MAPK4: variants seen among roughly 807,000 people sequenced by gnomAD.
The protein encoded by MAPK4 is mitogen-activated protein kinase 4.
Under a neutral mutation model 47.7 loss-of-function variants are expected in MAPK4, and 22 were observed. The ratio of observed to expected loss-of-function variants is 0.46; its 90% CI spans 0.33 to 0.66. The LOEUF (loss-of-function observed/expected upper bound fraction) is 0.66, where lower values mean the gene tolerates loss of function less well. Among genes scored for constraint, MAPK4 ranks in the 30% least tolerant of loss-of-function variants. The pLI, the probability that MAPK4 is intolerant of heterozygous loss-of-function variation, is 0.02. For synonymous variants in MAPK4, 390 were observed against 365.7 expected, an observed-to-expected ratio of 1.07 and a Z score of -0.76; for missense variants, 736 against 831.7, an observed-to-expected ratio of 0.88 and a Z score of 1.42.
chr18:50,691,539 C>A (rs1420399491), intron 2 of MAPK4, among the ~76,000 whole-genome samples: 1 of 152,138 alleles, frequency 6.6e-6, no homozygotes, highest in African/African-American at 2.4e-5. Context: ...TTAACAAATC[C>A]TGAGGCATAT....
At position 50,683,453 on chromosome 18, in the gene MAPK4, GGTGTGT is replaced by G. The variant is rs3045776; in HGVS notation, c.546+18982_546+18987del. 8.2e-3 allele frequency among the ~76,000 whole-genome samples: 1,162 copies of G among 142,230 alleles called. 14 individuals carry two copies. The highest frequency in any genetic ancestry group is 0.027 in the African/African-American group (1,002 of 37,728). The allele number at this position is 142,230 out of a possible 152,430, so 93.3% of individuals were successfully genotyped here. ...TGTTCATTATTTTTATTGGTGATGG[GGTGTGT>G]GTGTGTGTGTGTGTGTGTGTGTGTG... On this transcript the variant is annotated intron_variant, in intron 2 of 5. Transcript: ENST00000400384.
intron 2 of MAPK4, among the ~76,000 whole-genome samples, chr18:50,689,740 A>AG (rs1909108047): frequency 2.6e-5 from 4 of 151,988 alleles, no homozygotes; most frequent in African/African-American, 9.7e-5. Context: ...AATTTTAAAA[A>AG]AGGGGGGCTG....
At chr18:50,720,699 A>G (rs1326293352) in intron 3 of MAPK4, among the ~76,000 whole-genome samples, 1 of 152,072 alleles carries the variant, frequency 6.6e-6, no homozygotes, top group Non-Finnish European at 1.5e-5. Context: ...TTGATCACCC[A>G]TTGACCTCAT....
chr18:50,664,157 A>G lies in MAPK4; in HGVS notation c.199A>G (p.Lys67Glu). 6.2e-7 allele frequency: 1 copy of G among 1,614,176 alleles called. No homozygotes were observed. Residue 67 changes from lysine (K) to glutamate (E), a missense_variant, in exon 2 of 6, where the codon AAG (lysine) becomes GAG (glutamate). By Grantham distance (56) the Lys-to-Glu change is moderately conservative. This residue lies in a region of MAPK4 where 327 missense variants were observed against 395.4 expected (regional missense o/e 0.83). Transcript: ENST00000400384. The surrounding 1 kb of genome is among the most constrained non-coding windows in gnomAD (Gnocchi z 6.0). ...RSMKHALREI[K>E]IIRRLDHDNI... Reference sequence around the variant, plus strand: ...CATGAAGCACGCGCTCCGAGAGATCAAGATCATTCGGCGCCTGGACCACGA... The same window carrying G: ...CATGAAGCACGCGCTCCGAGAGATCGAGATCATTCGGCGCCTGGACCACGA...
Position 50,682,708 on chromosome 18 carries a change from A to G in MAPK4, c.546+18204A>G, listed in dbSNP as rs755445858. ...TTTAAAAGTAAAACTTACATCTGTCATATGATCCAGACATTTCACTTCTAT... is the reference window on the plus strand; with the variant it reads ...TTTAAAAGTAAAACTTACATCTGTCGTATGATCCAGACATTTCACTTCTAT... On this transcript the variant is annotated intron_variant, in intron 2 of 5. Transcript: ENST00000400384. Among the ~76,000 whole-genome samples the G allele has an allele frequency of 3.4e-4, 52 of 152,268 alleles. 1 individual carries two copies. The highest frequency in any genetic ancestry group is 5.6e-4 in the Non-Finnish European group (38 of 68,048).
Position 50,560,124 on chromosome 18 carries a change from C to A in MAPK4, c.-990C>A, listed in dbSNP as rs1484820508. On this transcript the variant is annotated 5_prime_UTR_variant, in exon 1 of 6. Coordinates refer to ENST00000400384, the MANE Select transcript of MAPK4 (RefSeq NM_002747.4). Reference sequence around the variant, plus strand: ...GGAGCAGCGAGCCGGGCTGTCGGGGCGACCGCGGGAGCTCGCCGTGCGCCG... The same window carrying A: ...GGAGCAGCGAGCCGGGCTGTCGGGGAGACCGCGGGAGCTCGCCGTGCGCCG... 1 of 149,078 alleles carries A rather than the reference C, an allele frequency of 6.7e-6. No homozygotes were observed. The highest frequency in any genetic ancestry group is 2.4e-5 in the African/African-American group (1 of 41,052). The allele number at this position is 149,078 out of a possible 1,614,324, so 9.2% of individuals were successfully genotyped here. A position where few individuals can be genotyped will look rare whatever the true frequency, so the allele number is the denominator to read the frequency against.
In MAPK4 at chr18:50,707,735, A is replaced by C. The variant is rs1426824039; in HGVS notation, c.547-7344A>C. On this transcript the variant is annotated intron_variant, in intron 2 of 5. Transcript: ENST00000400384. ...TTAAATTTTTTATGGCAATTTTATT[A>C]TAATTTTTTTAAAGTCAAAGAAAGT... Among the ~76,000 whole-genome samples, 4 of 152,316 alleles carry C rather than the reference A, an allele frequency of 2.6e-5. No homozygotes were observed. The East Asian group carries it at 7.7e-4, about 29-fold the overall frequency.
chr18:50,575,681 G>A (rs752297877), intron 1 of MAPK4, among the ~76,000 whole-genome samples: 15 of 148,218 alleles, frequency 1.0e-4, no homozygotes, highest in South Asian at 2.1e-4. Flanking sequence ...AGAAACTATC[G>A]ACAGCAAACA....
intron 1 of MAPK4, among the ~76,000 whole-genome samples, chr18:50,598,661 T>A (rs28437750): frequency 1.3e-5 from 2 of 152,194 alleles, no homozygotes; most frequent in South Asian, 4.1e-4. Flanking sequence ...TTTATTTGGA[T>A]TTCACTAACT....
At chr18:50,691,079 G>A (rs1909188220) in intron 2 of MAPK4, among the ~76,000 whole-genome samples, 4 of 152,014 alleles carry the variant, frequency 2.6e-5, no homozygotes, top group African/African-American at 4.8e-5. Flanking sequence ...TGCAACCTCC[G>A]CCTCCTGGGC....
rs7236079 is a variant in MAPK4, at chr18:50,654,749, C to T, written c.-870-8340C>T. ...CAGCTGGTGCTATGCCCGTGGCCAC[C>T]GGCTCCCAGACTTCCCACGCAGGGA... is the stretch of plus-strand genomic sequence containing the variant. On this transcript the variant is annotated intron_variant, in intron 1 of 5. Transcript: ENST00000400384. Among the ~76,000 whole-genome samples the T allele has an allele frequency of 7.9e-3, 1,197 of 152,290 alleles. 12 individuals carry two copies. The highest frequency in any genetic ancestry group is 0.027 in the African/African-American group (1,142 of 41,566).
At chr18:50,729,057 G>A (rs1424694559) in intron 5 of MAPK4, 101 bp from the exon 6 acceptor site, 2 of 1,022,142 alleles carry the variant, frequency 2.0e-6, no homozygotes, top group Non-Finnish European at 2.9e-6. Context: ...GGGGGTCGAA[G>A]GCAGGTGTGT....
intron 1 of MAPK4, among the ~76,000 whole-genome samples, chr18:50,572,978 G>A (rs1220236207): frequency 2.0e-5 from 3 of 152,194 alleles, no homozygotes; most frequent in Non-Finnish European, 2.9e-5. Context: ...AAAAGCAGGT[G>A]TATAGCTGTC....
intron 1 of MAPK4, among the ~76,000 whole-genome samples, chr18:50,639,696 G>T (rs537666566): frequency 6.6e-6 from 1 of 152,078 alleles, no homozygotes; most frequent in Admixed American, 6.5e-5. Flanking sequence ...CACGTTTTCC[G>T]ATGTCTTTAA....
At chr18:50,695,269 C>G (rs190198275) in intron 2 of MAPK4, among the ~76,000 whole-genome samples, 16 of 150,116 alleles carry the variant, frequency 1.1e-4, no homozygotes, top group Non-Finnish European at 2.2e-4. Context: ...TCGTTTGAAC[C>G]CGGGAGGCGG....
intron 1 of MAPK4, among the ~76,000 whole-genome samples, chr18:50,633,578 G>A (rs929952878): frequency 3.3e-5 from 5 of 152,176 alleles, no homozygotes; most frequent in Admixed American, 3.3e-4. Flanking sequence ...TTGCTCAGTG[G>A]CTTCCCACCG....
chr18:50,722,057 A>G lies in MAPK4; in HGVS notation c.811A>G (p.Lys271Glu). The change falls in exon 4 of 6, where the codon AAG becomes GAG. Residue 271 changes from lysine to glutamate, a missense_variant. This residue lies in a region of MAPK4 where 327 missense variants were observed against 395.4 expected (regional missense o/e 0.83). Transcript: ENST00000400384. Reference protein sequence around the residue: ...PSFVSSTWEVKRPLRKLLPEV... With the variant: ...PSFVSSTWEVERPLRKLLPEV... ...CTTTGTCAGCAGCACCTGGGAGGTG[A>G]AGAGGCCTCTGCGCAAGCTGCTCCC... 6.2e-7 allele frequency: 1 copy of G among 1,613,518 alleles called. No individual in the cohort carries two copies. Among genetic ancestry groups the G allele is most frequent in the Non-Finnish European group, 8.5e-7 (1 of 1,179,760 alleles).
Position 50,684,620 on chromosome 18 carries a change from C to T in MAPK4, c.546+20116C>T, listed in dbSNP as rs368723151. On this transcript the variant is annotated intron_variant, in intron 2 of 5. Transcript: ENST00000400384. ...GCCTTCGGGGGGTGAGGAGAAGACACCTCCTGGCCTCCCCATCACAGTGGG... is the reference window on the plus strand; with the variant it reads ...GCCTTCGGGGGGTGAGGAGAAGACATCTCCTGGCCTCCCCATCACAGTGGG... Among the ~76,000 whole-genome samples, 5 of 152,170 alleles carry T rather than the reference C, an allele frequency of 3.3e-5. No individual in the cohort carries two copies. In the East Asian group the frequency reaches 9.7e-4, roughly 29 times the overall value.
intron 4 of MAPK4, 30 bp from the exon 5 acceptor site, chr18:50,725,932 G>T: frequency 1.3e-6 from 2 of 1,580,204 alleles, no homozygotes; most frequent in South Asian, 2.2e-5. Flanking sequence ...GGCAACAAAT[G>T]ACCTTCATGT....
Sources: gnomAD v4.1 joint callset for allele counts (sites outside exome capture counted in the v4.1 genomes callset) on GRCh38, gnomAD v4.1.1 for gene constraint, gnomAD v4.1.1 regional missense constraint, Gnocchi (gnomAD v3.1) non-coding constraint, MANE v1.5 for transcripts, NCBI Gene and HGNC (gene_info 2026-07-23, HGNC 2026-07-21) for gene names.